Variants in ZNF7 observed in about 807,000 individuals in gnomAD.
ZNF7 encodes the protein zinc finger protein 7.
ZNF7 carries 10 observed loss-of-function variants against 12.0 expected under a neutral mutation model. That is an observed-to-expected ratio of 0.83 (90% CI 0.51 to 1.42). The LOEUF is 1.42. Ranked by LOEUF, ZNF7 falls within the 40% of genes most tolerant of loss-of-function variation. The probability of loss-of-function intolerance (pLI) is 0.00; values close to 1 mark genes in which losing one functional copy is unlikely to be tolerated. For synonymous variants in ZNF7, 334 were observed against 295.0 expected (o/e 1.13, Z -1.35); for missense variants, 854 against 837.2 (o/e 1.02, Z -0.25).
chr8:144,844,007 C>A (rs1179963741), downstream of ZNF7, among the ~76,000 whole-genome samples: 1 of 152,152 alleles, frequency 6.6e-6, no homozygotes, highest in Non-Finnish European at 1.5e-5. Flanking sequence ...AGGTACACGC[C>A]ATCATTACTG....
chr8:144,845,865 T>A (rs184298862), downstream of ZNF7: 5,545 of 1,021,460 alleles, frequency 5.4e-3, 28 homozygotes, highest in Non-Finnish European at 7.0e-3. Flanking sequence ...GTGTGCAGTG[T>A]CCCTGCCTTG....
chr8:144,838,033 G>T (rs148798608), intron 4 of ZNF7: 4 of 696,418 alleles, frequency 5.7e-6, no homozygotes, highest in Admixed American at 4.0e-5. Context: ...ATCTGAAACC[G>T]GGGGGTCAGC....
Position 144,842,816 on chromosome 8 carries a change from A to T in ZNF7, c.1709A>T (p.Gln570Leu). 1 of 1,614,236 alleles carries T rather than the reference A, an allele frequency of 6.2e-7. No individual in the cohort carries two copies. The highest frequency in any genetic ancestry group is 8.5e-7 in the Non-Finnish European group (1 of 1,180,040). The change falls in exon 5 of 5, where the codon CAA (glutamine) becomes CTA (leucine). Residue 570 changes from glutamine (Q) to leucine (L), a missense_variant. Physicochemically the swap from Gln to Leu is moderately radical, Grantham distance 113 (BLOSUM62 -2). Coordinates refer to ENST00000532777, the MANE Select transcript of ZNF7 (RefSeq NM_003416.4). ...KAFSQNSTLF[Q>L]HQIIHAGVKP... The stretch of plus-strand genomic sequence containing the variant: ...TTCAGTCAAAACTCAACCCTTTTCC[A>T]ACACCAGATAATTCATGCAGGGGTG...
chr8:144,845,972 ACTT>A (rs568665964), downstream of ZNF7: 326 of 1,536,068 alleles, frequency 2.1e-4, no homozygotes, highest in Non-Finnish European at 2.7e-4. Context: ...CTTTTTCTCT[ACTT>A]CAGGCTTTCT....
chr8:144,840,166 G>C (rs1829690915), intron 4 of ZNF7, among the ~76,000 whole-genome samples: 1 of 152,228 alleles, frequency 6.6e-6, no homozygotes, highest in African/African-American at 2.4e-5. Context: ...CCTGTTGAAA[G>C]AGCAGGCATG....
downstream of ZNF7, chr8:144,846,468 C>T (rs757335710): frequency 1.2e-4 from 37 of 311,260 alleles, no homozygotes; most frequent in South Asian, 3.2e-4. Context: ...GAGCCTCTGG[C>T]GGCTTTCTTG....
intron 3 of ZNF7, among the ~76,000 whole-genome samples, chr8:144,833,438 G>T (rs968796973): frequency 3.3e-5 from 5 of 151,522 alleles, no homozygotes; most frequent in Admixed American, 2.0e-4. Flanking sequence ...GTGCGATCTC[G>T]GCTCACTGCA....
At chr8:144,838,148 A>G in intron 4 of ZNF7, 1 of 702,822 alleles carries the variant, frequency 1.4e-6, no homozygotes, top group Non-Finnish European at 2.6e-6. Context: ...TGGCTTGTGG[A>G]TGCGTCCCTC....
At chr8:144,829,393 C>T (rs1165565189) in intron 2 of ZNF7, 85 bp from the exon 3 acceptor site, 2 of 1,592,120 alleles carry the variant, frequency 1.3e-6, no homozygotes, top group African/African-American at 1.3e-5. Context: ...CCCCATGGGG[C>T]AGCTGCCTGA....
chr8:144,837,295 C>G, intron 3 of ZNF7, 96 bp from the exon 4 acceptor site: 3 of 1,077,528 alleles, frequency 2.8e-6, no homozygotes, highest in Admixed American at 4.1e-5. Flanking sequence ...TTGTAGCCCC[C>G]CTGCCCCTTT....
At chr8:144,841,100 T>G (rs1829844939) in intron 4 of ZNF7, 2 of 474,740 alleles carry the variant, frequency 4.2e-6, no homozygotes, top group East Asian at 7.3e-5. Context: ...AGGATGGACC[T>G]CTCTGCTCAC....
chr8:144,843,543 G>A lies in ZNF7; in HGVS notation c.*375G>A, dbSNP rs531655565. The A allele has an allele frequency of 5.6e-4, 83 of 148,082 alleles. No homozygotes were observed. In the South Asian group the frequency reaches 0.013, roughly 24 times the overall value. The allele number at this position is 148,082 out of a possible 1,614,324, so 9.2% of individuals were successfully genotyped here. On this transcript the variant is annotated 3_prime_UTR_variant, in exon 5 of 5. Transcript: ENST00000532777. ...GCGGAGCTTGCAGTGAGCTGAGATC[G>A]CGCCACTGCACTCCAGCCTGGGTGA...
chr8:144,842,018 A>G lies in ZNF7; in HGVS notation c.911A>G (p.Lys304Arg). 3 of 1,614,124 alleles carry G rather than the reference A, an allele frequency of 1.9e-6. No individual in the cohort carries two copies. Among genetic ancestry groups the G allele is most frequent in the South Asian group, 1.1e-5 (1 of 91,068 alleles). The change falls in exon 5 of 5, where the codon AAG (lysine) becomes AGG (arginine). Residue 304 changes from lysine (K) to arginine (R), a missense_variant. By Grantham distance (26) the Lys-to-Arg change is conservative. Coordinates refer to ENST00000532777, the MANE Select transcript of ZNF7 (RefSeq NM_003416.4). ...CATCAAAGAATCCACACTGGGGAGA[A>G]GCCCTACAGATGTGAGGAATGTGGA... ...IQHQRIHTGE[K>R]PYRCEECGKA...
intron 3 of ZNF7, chr8:144,831,124 T>TC (rs1285715574): frequency 2.3e-6 from 1 of 436,422 alleles, no homozygotes; most frequent in Non-Finnish European, 4.6e-6. Flanking sequence ...CCTGTCCTCC[T>TC]CTCTCAGGCC....
At chr8:144,844,573 G>A (rs187838826), downstream of ZNF7, among the ~76,000 whole-genome samples, 936 of 152,118 alleles carry the variant, frequency 6.2e-3, 6 homozygotes, top group Admixed American at 0.01. Flanking sequence ...AGCCGGGCGT[G>A]GTGGCGGGCA....
At chr8:144,843,971 TCCTC>T (rs1830329798), downstream of ZNF7, among the ~76,000 whole-genome samples, 1 of 152,094 alleles carries the variant, frequency 6.6e-6, no homozygotes, top group African/African-American at 2.4e-5. Context: ...CCTATCCCCT[TCCTC>T]AGAGAGGCAG....
At position 144,829,139 on chromosome 8, in the gene ZNF7, A is replaced by G. The variant is rs561341678; in HGVS notation, c.3+49A>G. 11 of 1,611,808 alleles carry G rather than the reference A, an allele frequency of 6.8e-6. No individual in the cohort carries two copies. The Middle Eastern group carries it at 6.6e-4, about 97-fold the overall frequency. On this transcript the variant is annotated intron_variant, in intron 2 of 4. Transcript: ENST00000532777. The stretch of plus-strand genomic sequence containing the variant: ...CCCCTCGCATGTCCTGTGAAGGCCC[A>G]CCTCCTGCTCTGCCCACTGGCCCTG...
At position 144,843,004 on chromosome 8, in the gene ZNF7, C is replaced by G. The variant is rs778420738; in HGVS notation, c.1897C>G (p.Leu633Val). The G allele has an allele frequency of 1.9e-6, 3 of 1,614,070 alleles. No homozygotes were observed. In the East Asian group the frequency reaches 6.7e-5, roughly 36 times the overall value. The change falls in exon 5 of 5, where the codon CTG becomes GTG. Residue 633 changes from leucine (L) to valine (V), a missense_variant. Physicochemically the swap from Leu to Val is conservative, Grantham distance 32. Transcript: ENST00000532777. ...TAAAAAGGTTAATACTATAAAGAAA[C>G]TGCATCAGTGTGAAGACTGTGAGAA... ...SRKKVNTIKK[L>V]HQCEDCEKIF...
rs1038207528 is a variant in ZNF7, at chr8:144,841,651, C to T, written c.544C>T (p.Gln182Ter). ...GCTGGGAAGCAGCGGCCTGGATTGT[C>T]AGCCTCTTGAAAGTCAGGGAGAGAG... ...KELGSSGLDC[Q>*]PLESQGESAE... Residue 182 changes from glutamine to a stop codon, truncating the protein, a stop_gained, in exon 5 of 5, where the codon CAG becomes TAG. Coordinates refer to ENST00000532777, the MANE Select transcript of ZNF7 (RefSeq NM_003416.4). LOFTEE classifies it low-confidence loss of function (END_TRUNC). The T allele has an allele frequency of 1.2e-6, 2 of 1,614,194 alleles. No homozygotes were observed. The highest frequency in any genetic ancestry group is 1.7e-6 in the Non-Finnish European group (2 of 1,180,030).
Sources: gnomAD v4.1 joint callset for allele counts (sites outside exome capture counted in the v4.1 genomes callset) on GRCh38, gnomAD v4.1.1 for gene constraint, MANE v1.5 for transcripts, NCBI Gene and HGNC (gene_info 2026-07-23, HGNC 2026-07-21) for gene names.